KCNMB2: variants seen among roughly 807,000 people sequenced by gnomAD.
The protein encoded by KCNMB2 is potassium calcium-activated channel subfamily M regulatory beta subunit 2.
KCNMB2 carries 9 observed loss-of-function variants against 24.5 expected under a neutral mutation model. The ratio of observed to expected loss-of-function variants is 0.37; its 90% CI spans 0.22 to 0.64. The LOEUF is 0.64. Ranked by LOEUF, KCNMB2 falls within the 30% of genes least tolerant of loss-of-function variation. The pLI, the probability that KCNMB2 is intolerant of heterozygous loss-of-function variation, is 0.63. For missense variants in KCNMB2, 226 were observed against 284.3 expected, an observed-to-expected ratio of 0.79 and a Z score of 1.47; for synonymous variants, 109 against 104.4, an observed-to-expected ratio of 1.04 and a Z score of -0.27.
At chr3:178,563,746 C>T (rs978928581) in intron 1 of KCNMB2, among the ~76,000 whole-genome samples, 1 of 152,056 alleles carries the variant, frequency 6.6e-6, no homozygotes, top group Non-Finnish European at 1.5e-5. Flanking sequence ...AATACCAGAG[C>T]GTCCCCCAGA....
At chr3:178,620,719 T>C (rs115546232) in intron 1 of KCNMB2, among the ~76,000 whole-genome samples, 3,389 of 152,230 alleles carry the variant, frequency 0.022, 111 homozygotes, top group South Asian at 0.13. Context: ...ATTCAGACCA[T>C]AGCAAATGAC....
intron 1 of KCNMB2, among the ~76,000 whole-genome samples, chr3:178,540,534 C>T (rs1386339534): frequency 2.0e-5 from 3 of 152,156 alleles, no homozygotes; most frequent in Non-Finnish European, 2.9e-5. Flanking sequence ...CCTCCCTGTA[C>T]CCTTCTGCTA....
chr3:178,635,970 T>C (rs1460923517), intron 1 of KCNMB2, among the ~76,000 whole-genome samples: 1 of 152,254 alleles, frequency 6.6e-6, no homozygotes, highest in African/African-American at 2.4e-5. Context: ...TCATTAGAGA[T>C]GCAGAAGACA....
chr3:178,757,651 G>GAT lies in KCNMB2; in HGVS notation c.-67-49681_-67-49680dup, dbSNP rs1302650620. Among the ~76,000 whole-genome samples the GAT allele has an allele frequency of 1.7e-4, 5 of 29,246 alleles. No individual in the cohort carries two copies. The East Asian group carries it at 3.4e-3, about 20-fold the overall frequency. 19.2% of individuals were successfully genotyped at this position (29,246 alleles called of 152,430 possible). The stretch of plus-strand genomic sequence containing the variant: ...ATATATATGTATATATATCCAAGAG[G>GAT]ATATATATATATGTATATATATCCA... On this transcript the variant is annotated intron_variant, in intron 1 of 4. Transcript: ENST00000452583.
Position 178,843,387 on chromosome 3 carries a change from G to T in KCNMB2, c.*450G>T. On this transcript the variant is annotated 3_prime_UTR_variant, in exon 5 of 5. Transcript: ENST00000452583. ...TATTCTAAACTGAGCCCTATAGCAA[G>T]TGAAGGGACCAGATTTCCTAATTAA... The T allele has an allele frequency of 4.1e-6, 1 of 245,250 alleles. No individual in the cohort carries two copies. Among genetic ancestry groups the T allele is most frequent in the Non-Finnish European group, 8.3e-6 (1 of 119,798 alleles). The allele number at this position is 245,250 out of a possible 1,614,324, so 15.2% of individuals were successfully genotyped here.
chr3:178,655,095 CCTCTCTCTCTCT>C (rs67468527), intron 1 of KCNMB2, among the ~76,000 whole-genome samples: 4,615 of 111,180 alleles, frequency 0.042, 72 homozygotes, highest in Middle Eastern at 0.1. Context: ...ATTAGCTCTC[CCTCTCTCTCTCT>C]CTCTCTCTCT....
intron 1 of KCNMB2, among the ~76,000 whole-genome samples, chr3:178,700,425 T>G (rs1158099752): frequency 6.6e-6 from 1 of 152,236 alleles, no homozygotes; most frequent in Non-Finnish European, 1.5e-5. Context: ...TAGCCTCCTA[T>G]CCTTACCAGG....
At chr3:178,698,938 C>T (rs558672556) in intron 1 of KCNMB2, among the ~76,000 whole-genome samples, 37 of 152,336 alleles carry the variant, frequency 2.4e-4, no homozygotes, top group Non-Finnish European at 4.7e-4. Flanking sequence ...GACTCATATT[C>T]GGCCCCAACT....
chr3:178,715,615 C>T (rs1372865561), intron 1 of KCNMB2, among the ~76,000 whole-genome samples: 1 of 152,118 alleles, frequency 6.6e-6, no homozygotes, highest in Non-Finnish European at 1.5e-5. Flanking sequence ...TACTGTAAAT[C>T]AAGCATATCT....
intron 1 of KCNMB2, among the ~76,000 whole-genome samples, chr3:178,552,424 A>T (rs1715986568): frequency 6.6e-6 from 1 of 152,066 alleles, no homozygotes; most frequent in Non-Finnish European, 1.5e-5. Context: ...ATCCTAAGAC[A>T]ATTCAGTTTG....
intron 1 of KCNMB2, among the ~76,000 whole-genome samples, chr3:178,707,734 T>C (rs1398438116): frequency 1.3e-5 from 2 of 152,128 alleles, no homozygotes; most frequent in African/African-American, 4.8e-5. Flanking sequence ...GCCATTAGAC[T>C]GAGGTGATTC....
At chr3:178,673,108 C>T (rs1385598115) in intron 1 of KCNMB2, among the ~76,000 whole-genome samples, 103 of 151,970 alleles carry the variant, frequency 6.8e-4, no homozygotes, top group Non-Finnish European at 1.0e-4. Flanking sequence ...TTATTTGTAT[C>T]CCTCCCTTGC....
chr3:178,538,415 A>G (rs953088686), intron 1 of KCNMB2, among the ~76,000 whole-genome samples: 1 of 152,276 alleles, frequency 6.6e-6, no homozygotes, highest in African/African-American at 2.4e-5. Flanking sequence ...CTCAAAATAC[A>G]CAAACAAAAA....
chr3:178,786,566 G>A (rs73051690), intron 1 of KCNMB2, among the ~76,000 whole-genome samples: 4,588 of 151,972 alleles, frequency 0.03, 252 homozygotes, highest in African/African-American at 0.1. Flanking sequence ...CTTTCATTTC[G>A]CCTTCCCATT....
intron 1 of KCNMB2, among the ~76,000 whole-genome samples, chr3:178,646,079 T>G (rs1174942143): frequency 1.3e-5 from 2 of 152,166 alleles, no homozygotes; most frequent in African/African-American, 2.4e-5. Context: ...ACGTCTCATC[T>G]GAACACAAGA....
chr3:178,743,858 C>T (rs1353392735), intron 1 of KCNMB2, among the ~76,000 whole-genome samples: 2 of 152,120 alleles, frequency 1.3e-5, no homozygotes, highest in East Asian at 3.8e-4. Flanking sequence ...CTTCATCGAC[C>T]GCTGGTCTTG....
chr3:178,684,453 A>C (rs1484485860), intron 1 of KCNMB2, among the ~76,000 whole-genome samples: 2 of 152,252 alleles, frequency 1.3e-5, no homozygotes, highest in East Asian at 3.9e-4. Context: ...TAATATAGGT[A>C]TGGGATTTGT....
At chr3:178,765,581 C>A (rs1209171525) in intron 1 of KCNMB2, among the ~76,000 whole-genome samples, 1 of 150,504 alleles carries the variant, frequency 6.6e-6, no homozygotes, top group African/African-American at 2.5e-5. Context: ...CAGCAAATGC[C>A]TAAGCTGGGC....
chr3:178,830,010 A>G (rs1714993224), intron 4 of KCNMB2, among the ~76,000 whole-genome samples: 1 of 152,112 alleles, frequency 6.6e-6, no homozygotes, highest in Non-Finnish European at 1.5e-5. Flanking sequence ...GAAATACAAC[A>G]TTTTCTGTAC....
Sources: gnomAD v4.1 joint callset for allele counts (sites outside exome capture counted in the v4.1 genomes callset) on GRCh38, gnomAD v4.1.1 for gene constraint, MANE v1.5 for transcripts, NCBI Gene and HGNC (gene_info 2026-07-23, HGNC 2026-07-21) for gene names.